The following PDGFB variants were observed in gnomAD, a reference collection of about 807,000 sequenced individuals.
PDGFB encodes platelet derived growth factor subunit B.
PDGFB carries 6 observed loss-of-function variants against 29.0 expected under a neutral mutation model. The observed-to-expected ratio is 0.21, with a 90% CI of 0.11 to 0.41. The LOEUF is 0.41. PDGFB is among the 10% of genes least tolerant of loss of function. The pLI, the probability that PDGFB is intolerant of heterozygous loss-of-function variation, is 1.00. For synonymous variants in PDGFB, 144 were observed against 140.8 expected, an observed-to-expected ratio of 1.02 and a Z score of -0.16; for missense variants, 299 against 341.8, an observed-to-expected ratio of 0.87 and a Z score of 0.99.
chr22:39,229,194 AT>A (rs377038602), intron 5 of PDGFB, among the ~76,000 whole-genome samples: 92 of 149,914 alleles, frequency 6.1e-4, no homozygotes, highest in East Asian at 7.8e-4. Flanking sequence ...CGTATTAATC[AT>A]TTTTTTTTTG....
intron 1 of PDGFB, among the ~76,000 whole-genome samples, chr22:39,237,617 C>T (rs5757573): frequency 0.58 from 88,771 of 152,028 alleles, 27,588 homozygotes; most frequent in East Asian, 0.9. Flanking sequence ...GACCACGCCT[C>T]CGGTGCTCTC....
rs1932586354 is a variant in PDGFB at position 39,242,320 on chromosome 22, G to A, written c.63+1581C>T. ...GGGTGAGTGAGCGAGTCGGGGGCCCGGGCGGGGTGGGCTGCGGAGAGCAGC... is the reference window on the plus strand; with the variant it reads ...GGGTGAGTGAGCGAGTCGGGGGCCCAGGCGGGGTGGGCTGCGGAGAGCAGC... On this transcript the variant is annotated intron_variant, in intron 1 of 6. Transcript: ENST00000331163. This position sits in a 1 kb window ranked among gnomAD's most constrained non-coding sequence, Gnocchi z 5.7. 1 of 208,776 alleles carries A rather than the reference G, an allele frequency of 4.8e-6. No homozygotes were observed. The highest frequency in any genetic ancestry group is 2.3e-5 in the African/African-American group (1 of 44,080). The allele number at this position is 208,776 out of a possible 1,614,324, so 12.9% of individuals were successfully genotyped here.
chr22:39,226,024 G>A (rs1350009666), intron 5 of PDGFB, among the ~76,000 whole-genome samples, 177 bp from the exon 6 acceptor site: 1 of 152,194 alleles, frequency 6.6e-6, no homozygotes, highest in Non-Finnish European at 1.5e-5. Context: ...GTGCCTTGGG[G>A]ACAATGACTG....
chr22:39,230,671 G>A (rs189874124), intron 4 of PDGFB, among the ~76,000 whole-genome samples: 23 of 152,346 alleles, frequency 1.5e-4, no homozygotes, highest in South Asian at 1.0e-3. Flanking sequence ...TGGAAGCATC[G>A]AGGACAGGAG....
intron 1 of PDGFB, chr22:39,240,941 A>ACTCT (rs111778157): frequency 9.9e-6 from 4 of 406,062 alleles, no homozygotes; most frequent in East Asian, 1.0e-3. Flanking sequence ...ACACACACAC[A>ACTCT]CTCTCTCTCT....
chr22:39,238,078 C>T (rs906597866), intron 1 of PDGFB, among the ~76,000 whole-genome samples: 2 of 152,154 alleles, frequency 1.3e-5, no homozygotes, highest in Admixed American at 6.6e-5. Context: ...CTGCCAGCCA[C>T]GGCAGAGGAG....
At position 39,242,178 on chromosome 22, in the gene PDGFB, G is replaced by C. The variant is rs1273741246; in HGVS notation, c.63+1723C>G. 2 of 219,088 alleles carry C rather than the reference G, an allele frequency of 9.1e-6. No individual in the cohort carries two copies. Among genetic ancestry groups the C allele is most frequent in the African/African-American group, 4.5e-5 (2 of 44,514 alleles). The allele number at this position is 219,088 out of a possible 1,614,324, so 13.6% of individuals were successfully genotyped here. Reference sequence around the variant, plus strand: ...CGGTGCGCGCGCGTGTGTCCCGCGTGTGCACGGGCGTGGCAGAGGCGGGCG... The same window carrying C: ...CGGTGCGCGCGCGTGTGTCCCGCGTCTGCACGGGCGTGGCAGAGGCGGGCG... On this transcript the variant is annotated intron_variant, in intron 1 of 6. Transcript: ENST00000331163. This position sits in a 1 kb window ranked among gnomAD's most constrained non-coding sequence, Gnocchi z 5.7.
rs1436546071 is a variant in PDGFB at position 39,231,864 on chromosome 22, C to T, written c.251-37G>A. ...CGAAACCTGGGTCAGGAGCGTAGGC[C>T]TGTCCAGAGTCCCCCCACTTGGCAG... On this transcript the variant is annotated intron_variant, in intron 3 of 6. Transcript: ENST00000331163. The surrounding 1 kb of genome is among the most constrained non-coding windows in gnomAD (Gnocchi z 4.3). The T allele has an allele frequency of 2.5e-6, 4 of 1,574,288 alleles. No individual in the cohort carries two copies. The East Asian group carries it at 6.8e-5, about 27-fold the overall frequency.
chr22:39,234,589 C>T (rs966011655), intron 2 of PDGFB, among the ~76,000 whole-genome samples: 5 of 152,240 alleles, frequency 3.3e-5, no homozygotes, highest in African/African-American at 7.2e-5. Flanking sequence ...ATGACTAGTC[C>T]GCTTCCGTCC....
Position 39,231,847 on chromosome 22 carries a change from G to A in PDGFB, c.251-20C>T, listed in dbSNP as rs367668148. The A allele has an allele frequency of 4.8e-5, 77 of 1,606,546 alleles. No individual in the cohort carries two copies. The African/African-American group carries it at 5.1e-4, about 11-fold the overall frequency. Reference sequence around the variant, plus strand: ...GGGAACCTGGGAGGAGACGAAACCTGGGTCAGGAGCGTAGGCCTGTCCAGA... The same window carrying A: ...GGGAACCTGGGAGGAGACGAAACCTAGGTCAGGAGCGTAGGCCTGTCCAGA... On this transcript the variant is annotated intron_variant, in intron 3 of 6. Transcript: ENST00000331163. The surrounding 1 kb of genome is among the most constrained non-coding windows in gnomAD (Gnocchi z 4.3).
Position 39,243,865 on chromosome 22 carries a change from A to T in PDGFB, c.63+36T>A. 6.4e-7 allele frequency: 1 copy of T among 1,567,264 alleles called. No homozygotes were observed. ...TCAGAAGGGGGGGGCGAAGGTAATG[A>T]ATGAAGAACCAGCCCCAGCCGCCGT... On this transcript the variant is annotated intron_variant, in intron 1 of 6. Transcript: ENST00000331163. The surrounding 1 kb of genome is among the most constrained non-coding windows in gnomAD (Gnocchi z 6.4).
At chr22:39,232,852 G>A (rs1427592280) in intron 3 of PDGFB, among the ~76,000 whole-genome samples, 1 of 152,202 alleles carries the variant, frequency 6.6e-6, no homozygotes, top group Non-Finnish European at 1.5e-5. Flanking sequence ...GGGACTCCAG[G>A]TGTCAAAGAG....
Position 39,231,371 on chromosome 22 carries a change from G to C in PDGFB, c.456+251C>G, listed in dbSNP as rs1932298468. Among the ~76,000 whole-genome samples the C allele has an allele frequency of 6.6e-6, 1 of 152,218 alleles. No individual in the cohort carries two copies. Among genetic ancestry groups the C allele is most frequent in the Non-Finnish European group, 1.5e-5 (1 of 68,040 alleles). On this transcript the variant is annotated intron_variant, in intron 4 of 6. Coordinates refer to ENST00000331163, the MANE Select transcript of PDGFB (RefSeq NM_002608.4). The surrounding 1 kb of genome is among the most constrained non-coding windows in gnomAD (Gnocchi z 4.3). ...TGGCTCCACACCTCGCCCAGCCCGG[G>C]GGGTCTGTCTGTGGCTTTTGGCTAC... is the stretch of plus-strand genomic sequence containing the variant.
chr22:39,225,793 G>T lies in PDGFB; in HGVS notation c.656C>A (p.Pro219His). 1.2e-6 allele frequency: 2 copies of T among 1,614,152 alleles called. No individual in the cohort carries two copies. Among genetic ancestry groups the T allele is most frequent in the Non-Finnish European group, 1.7e-6 (2 of 1,180,008 alleles). The change falls in exon 6 of 7, where the codon CCC (proline) becomes CAC (histidine). Residue 219 changes from proline (P) to histidine (H), a missense_variant. Coordinates refer to ENST00000331163, the MANE Select transcript of PDGFB (RefSeq NM_002608.4). ...TIRTVRVRRP[P>H]KGKHRKFKHT... ...CTTGAATTTCCGGTGCTTGCCCTTG[G>T]GGGGCCGGCGGACTCGCACCGTCCG...
chr22:39,242,420 A>G lies in PDGFB; in HGVS notation c.63+1481T>C, dbSNP rs1328845084. The G allele has an allele frequency of 5.0e-6, 1 of 200,958 alleles. No individual in the cohort carries two copies. The highest frequency in any genetic ancestry group is 7.7e-5 in the East Asian group (1 of 13,050). The allele number at this position is 200,958 out of a possible 1,614,324, so 12.4% of individuals were successfully genotyped here. A position where few individuals can be genotyped will look rare whatever the true frequency, so the allele number is the denominator to read the frequency against. On this transcript the variant is annotated intron_variant, in intron 1 of 6. Coordinates refer to ENST00000331163, the MANE Select transcript of PDGFB (RefSeq NM_002608.4). This position sits in a 1 kb window ranked among gnomAD's most constrained non-coding sequence, Gnocchi z 5.7. ...AGGTCCCACGGCGAGGCGAGGCGGC[A>G]GCTGGGGCCGGCCGGCCACCCCCTC...
rs142880818 is a variant in PDGFB at position 39,238,961 on chromosome 22, G to A, written c.64-3087C>T. On this transcript the variant is annotated intron_variant, in intron 1 of 6. Transcript: ENST00000331163. Reference sequence around the variant, plus strand: ...CCCAAACATCAGGAGTGCAGAGGCTGAGAAACCCTGTAGCGGAGGAAAGAG... The same window carrying A: ...CCCAAACATCAGGAGTGCAGAGGCTAAGAAACCCTGTAGCGGAGGAAAGAG... Among the ~76,000 whole-genome samples, 297 of 152,386 alleles carry A rather than the reference G, an allele frequency of 1.9e-3. 1 individual carries two copies. Among genetic ancestry groups the A allele is most frequent in the African/African-American group, 6.6e-3 (273 of 41,598 alleles).
chr22:39,242,340 A>AGCAGCCACGGGGC lies in PDGFB; in HGVS notation c.63+1548_63+1560dup, dbSNP rs977925544. The AGCAGCCACGGGGC allele has an allele frequency of 2.0e-5, 4 of 198,428 alleles. No individual in the cohort carries two copies. Among genetic ancestry groups the AGCAGCCACGGGGC allele is most frequent in the African/African-American group, 9.3e-5 (4 of 42,842 alleles). The allele number at this position is 198,428 out of a possible 1,614,324, so 12.3% of individuals were successfully genotyped here. A position where few individuals can be genotyped will look rare whatever the true frequency, so the allele number is the denominator to read the frequency against. On this transcript the variant is annotated intron_variant, in intron 1 of 6. Transcript: ENST00000331163. The surrounding 1 kb of genome is among the most constrained non-coding windows in gnomAD (Gnocchi z 5.7). ...GGCCCGGGCGGGGTGGGCTGCGGAG[A>AGCAGCCACGGGGC]GCAGCCACGGGGCGCCGCCGTTCCC...
At chr22:39,240,430 TCTC>T (rs1161200008) in intron 1 of PDGFB, among the ~76,000 whole-genome samples, 2 of 152,060 alleles carry the variant, frequency 1.3e-5, no homozygotes, top group Non-Finnish European at 2.9e-5. Flanking sequence ...TTCTGTTTCT[TCTC>T]CTCTGTCCTG....
At chr22:39,239,609 C>A (rs545697746) in intron 1 of PDGFB, among the ~76,000 whole-genome samples, 62 of 152,116 alleles carry the variant, frequency 4.1e-4, no homozygotes, top group Non-Finnish European at 6.8e-4. Context: ...AGGCCTGGCA[C>A]CCTGAAGAAG....
Sources: gnomAD v4.1 joint callset for allele counts (sites outside exome capture counted in the v4.1 genomes callset) on GRCh38, gnomAD v4.1.1 for gene constraint, Gnocchi (gnomAD v3.1) non-coding constraint, MANE v1.5 for transcripts, NCBI Gene and HGNC (gene_info 2026-07-23, HGNC 2026-07-21) for gene names.